Variants in LUZP2 observed in about 807,000 individuals in gnomAD.
LUZP2 encodes leucine zipper protein 2.
In LUZP2, 52 loss-of-function variants were observed where a neutral mutation model predicts 51.6. That is an observed-to-expected ratio of 1.01 (90% CI 0.81 to 1.27). The LOEUF (loss-of-function observed/expected upper bound fraction) is 1.27. Among genes scored for constraint, LUZP2 ranks in the 50% most tolerant of loss-of-function variants. The pLI is 0.00. For missense variants in LUZP2, 436 were observed against 395.4 expected (o/e 1.10, Z -0.87); for synonymous variants, 154 against 137.3 (o/e 1.12, Z -0.85).
chr11:24,536,632 A>T (rs1851189300), intron 1 of LUZP2, among the ~76,000 whole-genome samples: 1 of 151,888 alleles, frequency 6.6e-6, no homozygotes, highest in Non-Finnish European at 1.5e-5. Flanking sequence ...TTAATAGAAC[A>T]TTGTGGCTGG....
intron 1 of LUZP2, among the ~76,000 whole-genome samples, chr11:24,536,786 CTT>C (rs1590152102): frequency 6.6e-6 from 1 of 151,856 alleles, no homozygotes; most frequent in East Asian, 1.9e-4. Flanking sequence ...TTTGCTATCT[CTT>C]TGACACAAGA....
chr11:24,519,800 G>A (rs1371812827), intron 1 of LUZP2, among the ~76,000 whole-genome samples: 2 of 152,004 alleles, frequency 1.3e-5, no homozygotes, highest in Non-Finnish European at 2.9e-5. Context: ...TTTAAAAAAG[G>A]CTTTTTTCAA....
At chr11:24,622,133 G>A (rs7943759) in intron 1 of LUZP2, among the ~76,000 whole-genome samples, 2 of 150,980 alleles carry the variant, frequency 1.3e-5, no homozygotes, top group African/African-American at 4.9e-5. Flanking sequence ...TTTTTTTAAT[G>A]TTATTATTAT....
Position 24,748,397 on chromosome 11 carries a change from G to T in LUZP2, c.333+10095G>T, listed in dbSNP as rs545501991. Among the ~76,000 whole-genome samples, 27 of 152,186 alleles carry T rather than the reference G, an allele frequency of 1.8e-4. No homozygotes were observed. In the South Asian group the frequency reaches 5.4e-3, roughly 30 times the overall value. ...CGGTTTGGGTACTCACAGTATTTGG[G>T]GTGTCTCCTGGGTTCTGCGGGAGCA... is the stretch of plus-strand genomic sequence containing the variant. On this transcript the variant is annotated intron_variant, in intron 4 of 11. Coordinates refer to ENST00000336930, the MANE Select transcript of LUZP2 (RefSeq NM_001009909.4).
intron 7 of LUZP2, among the ~76,000 whole-genome samples, chr11:24,951,089 G>T (rs1855064524): frequency 6.6e-6 from 1 of 151,438 alleles, no homozygotes; most frequent in African/African-American, 2.4e-5. Flanking sequence ...AGGCAATGAA[G>T]CCCTGAACAA....
At chr11:24,845,609 C>T in intron 5 of LUZP2, among the ~76,000 whole-genome samples, 1 of 152,050 alleles carries the variant, frequency 6.6e-6, no homozygotes, top group East Asian at 1.9e-4. Context: ...CCCACAATTC[C>T]CATGTGTCAA....
At chr11:24,709,881 G>A (rs951110306) in intron 1 of LUZP2, among the ~76,000 whole-genome samples, 1 of 152,158 alleles carries the variant, frequency 6.6e-6, no homozygotes, top group Admixed American at 6.5e-5. Flanking sequence ...GGAGCTCATG[G>A]ATGAAAAAGT....
At chr11:24,733,105 T>C (rs1461577484) in intron 3 of LUZP2, among the ~76,000 whole-genome samples, 1 of 151,840 alleles carries the variant, frequency 6.6e-6, no homozygotes, top group Non-Finnish European at 1.5e-5. Context: ...CCATTGACCT[T>C]GGTTCTAAAT....
At chr11:24,930,687 G>C (rs916664659) in intron 7 of LUZP2, among the ~76,000 whole-genome samples, 1 of 152,118 alleles carries the variant, frequency 6.6e-6, no homozygotes, top group Non-Finnish European at 1.5e-5. Context: ...TAGATAACCT[G>C]ATGACTATGT....
rs541602331 is a variant in LUZP2 at position 24,611,720 on chromosome 11, T to C, written c.62+114415T>C. 3.9e-5 allele frequency among the ~76,000 whole-genome samples: 6 copies of C among 152,290 alleles called. No homozygotes were observed. The Middle Eastern group carries it at 0.01, about 259-fold the overall frequency. On this transcript the variant is annotated intron_variant, in intron 1 of 11. Transcript: ENST00000336930. This position sits in a 1 kb window ranked among gnomAD's most constrained non-coding sequence, Gnocchi z 4.6. Reference sequence around the variant, plus strand: ...CCTGCATATTATTAAGTGCCAGATATTAACTCTTTCACTCCTCACACCAAG... The same window carrying C: ...CCTGCATATTATTAAGTGCCAGATACTAACTCTTTCACTCCTCACACCAAG...
Position 24,826,515 on chromosome 11 carries a change from C to CT in LUZP2, c.396+63223dup, listed in dbSNP as rs201166299. On this transcript the variant is annotated intron_variant, in intron 5 of 11. Coordinates refer to ENST00000336930, the MANE Select transcript of LUZP2 (RefSeq NM_001009909.4). ...GCCTTTCTTCTTAGAGAGTATTAAA[C>CT]TTTTTTTTTTTTTTTTCCTAATTTC... 6.1e-3 allele frequency among the ~76,000 whole-genome samples: 854 copies of CT among 140,418 alleles called. 2 individuals are homozygous for CT. Among genetic ancestry groups the CT allele is most frequent in the Middle Eastern group, 0.015 (4 of 274 alleles). The allele number at this position is 140,418 out of a possible 152,430, so 92.1% of individuals were successfully genotyped here.
chr11:24,893,980 A>G (rs934150292), intron 5 of LUZP2, among the ~76,000 whole-genome samples: 1 of 152,018 alleles, frequency 6.6e-6, no homozygotes, highest in African/African-American at 2.4e-5. Context: ...CTGTGTTTCA[A>G]TTGTTTATTT....
chr11:24,551,496 A>G (rs1851723234), intron 1 of LUZP2, among the ~76,000 whole-genome samples: 1 of 152,074 alleles, frequency 6.6e-6, no homozygotes, highest in Admixed American at 6.6e-5. Flanking sequence ...AGTGGTGTTG[A>G]AAATTTTATA....
chr11:24,588,354 C>G (rs1487358375), intron 1 of LUZP2, among the ~76,000 whole-genome samples: 2 of 152,064 alleles, frequency 1.3e-5, no homozygotes, highest in East Asian at 3.9e-4. Flanking sequence ...TCTGAAGCTG[C>G]GATTGACCAC....
intron 9 of LUZP2, among the ~76,000 whole-genome samples, chr11:25,034,919 G>T (rs551555047): frequency 2.0e-5 from 3 of 152,074 alleles, no homozygotes; most frequent in Non-Finnish European, 4.4e-5. Flanking sequence ...TACATAAACA[G>T]AATTAAAAGC....
chr11:24,931,679 T>C (rs1854455455), intron 7 of LUZP2, among the ~76,000 whole-genome samples: 1 of 152,236 alleles, frequency 6.6e-6, no homozygotes, highest in Admixed American at 6.5e-5. Context: ...GGTATTCACC[T>C]CTCTGGTACT....
At chr11:24,909,836 G>T (rs1853569733) in intron 6 of LUZP2, among the ~76,000 whole-genome samples, 1 of 152,150 alleles carries the variant, frequency 6.6e-6, no homozygotes, top group African/African-American at 2.4e-5. Flanking sequence ...ATGGGGTGCT[G>T]CTGTAATGAT....
intron 5 of LUZP2, among the ~76,000 whole-genome samples, chr11:24,827,272 G>T (rs1381494790): frequency 6.6e-6 from 1 of 152,108 alleles, no homozygotes; most frequent in Non-Finnish European, 1.5e-5. Flanking sequence ...GAATTCAGGG[G>T]TTATCCCTAG....
At chr11:24,823,407 A>G (rs1044352839) in intron 5 of LUZP2, among the ~76,000 whole-genome samples, 3 of 150,550 alleles carry the variant, frequency 2.0e-5, no homozygotes, top group African/African-American at 7.4e-5. Context: ...AAAAAAAAAG[A>G]CAGATTTGGG....
Sources: gnomAD v4.1 joint callset for allele counts (sites outside exome capture counted in the v4.1 genomes callset) on GRCh38, gnomAD v4.1.1 for gene constraint, Gnocchi (gnomAD v3.1) non-coding constraint, MANE v1.5 for transcripts, NCBI Gene and HGNC (gene_info 2026-07-23, HGNC 2026-07-21) for gene names.